BPI: variants seen among roughly 807,000 people sequenced by gnomAD.
The protein encoded by BPI is bactericidal permeability-increasing protein.
Under a neutral mutation model 57.6 loss-of-function variants are expected in BPI, and 48 were observed. The observed-to-expected ratio is 0.83, with a 90% CI of 0.66 to 1.06. The LOEUF is 1.06. BPI is among the 50% of genes least tolerant of loss of function. The pLI is 0.00. For missense variants in BPI, 651 were observed against 609.7 expected (o/e 1.07, Z -0.71); for synonymous variants, 237 against 238.2 (o/e 0.99, Z 0.05).
At chr20:38,308,318 C>T (rs1314145863) in intron 2 of BPI, among the ~76,000 whole-genome samples, 1 of 152,196 alleles carries the variant, frequency 6.6e-6, no homozygotes, top group African/African-American at 2.4e-5. Flanking sequence ...CGAAGATGGA[C>T]GTGAGGTCAA....
intron 6 of BPI, among the ~76,000 whole-genome samples, chr20:38,319,457 G>A (rs6069714): frequency 0.69 from 104,273 of 152,064 alleles, 37,076 homozygotes; most frequent in African/African-American, 0.88. Context: ...CATTTAAGAG[G>A]CATTTTCTTC....
chr20:38,314,235 GGGA>G (rs2076638302), intron 5 of BPI, among the ~76,000 whole-genome samples: 1 of 141,956 alleles, frequency 7.0e-6, no homozygotes, highest in African/African-American at 2.6e-5. Flanking sequence ...GGTAATGGTG[GGGA>G]AGATGATGAT....
At chr20:38,321,956 A>T (rs1437230815) in intron 7 of BPI, 1 of 152,234 alleles carries the variant, frequency 6.6e-6, no homozygotes, top group Admixed American at 6.5e-5. Context: ...AAAAATGCAC[A>T]CATATGTACT....
Position 38,327,750 on chromosome 20 carries a change from G to A in BPI, c.1229+95G>A, listed in dbSNP as rs1426747299. ...CTGTGATATACAGAAGCACTGCATT[G>A]TTGTTTTCCTGTTGGCTCATCACAT... On this transcript the variant is annotated intron_variant, in intron 11 of 14. Transcript: ENST00000642449. The A allele has an allele frequency of 1.0e-4, 141 of 1,417,010 alleles. No individual in the cohort carries two copies. In the East Asian group the frequency reaches 3.3e-3, roughly 34 times the overall value. The allele number at this position is 1,417,010 out of a possible 1,614,324, so 87.8% of individuals were successfully genotyped here.
At chr20:38,318,040 T>C (rs2076661145) in intron 5 of BPI, 1 of 984,946 alleles carries the variant, frequency 1.0e-6, no homozygotes, top group Non-Finnish European at 1.2e-6. Context: ...ACCTCGTATT[T>C]GTTTATTACC....
chr20:38,304,456 A>T, intron 1 of BPI, 103 bp downstream of exon 1: 1 of 1,452,752 alleles, frequency 6.9e-7, no homozygotes, highest in South Asian at 1.3e-5. Context: ...CACTCATAGC[A>T]CCTCAGGGCA....
chr20:38,309,126 G>A, intron 3 of BPI, 68 bp downstream of exon 3: 1 of 1,604,070 alleles, frequency 6.2e-7, no homozygotes, highest in African/African-American at 1.3e-5. Context: ...TAGAGAGTCA[G>A]CGTCTCTGGA....
intron 11 of BPI, among the ~76,000 whole-genome samples, chr20:38,329,319 G>A (rs1050523985): frequency 2.0e-5 from 3 of 152,158 alleles, no homozygotes; most frequent in African/African-American, 4.8e-5. Context: ...CTGTTTTCAC[G>A]CCGCCTTGAC....
intron 11 of BPI, 62 bp from the exon 12 acceptor site, chr20:38,330,986 G>A: frequency 3.2e-6 from 5 of 1,584,610 alleles, no homozygotes; most frequent in Non-Finnish European, 4.3e-6. Context: ...CCTCTCTAGA[G>A]ACTGGGTTCT....
chr20:38,304,169 C>T lies in BPI; in HGVS notation c.-55C>T. ...CCCCAGCCGACTCTTTTATAGCTCC[C>T]TGGTTCAACCTCAAGGCCTTGAGGT... On this transcript the variant is annotated 5_prime_UTR_variant, in exon 1 of 15. Transcript: ENST00000642449. The T allele has an allele frequency of 6.2e-7, 1 of 1,610,450 alleles. No individual in the cohort carries two copies. The highest frequency in any genetic ancestry group is 8.5e-7 in the Non-Finnish European group (1 of 1,177,608).
At chr20:38,325,590 G>A (rs780938326) in intron 9 of BPI, among the ~76,000 whole-genome samples, 6 of 152,146 alleles carry the variant, frequency 3.9e-5, no homozygotes, top group Admixed American at 2.0e-4. Context: ...CAGTTACTTC[G>A]TTAGAGGCCC....
chr20:38,324,840 A>G lies in BPI; in HGVS notation c.993+7A>G, dbSNP rs2122544189. The G allele has an allele frequency of 2.5e-6, 4 of 1,609,958 alleles. No individual in the cohort carries two copies. Among genetic ancestry groups the G allele is most frequent in the South Asian group, 1.1e-5 (1 of 90,986 alleles). On this transcript the variant is annotated splice_region_variant and intron_variant, in intron 9 of 14. Coordinates refer to ENST00000642449, the MANE Select transcript of BPI (RefSeq NM_001725.3). The stretch of plus-strand genomic sequence containing the variant: ...TGGAACCTTCCTACCTGAGGTATGG[A>G]AGACCTTGCTTTCCTTTAGTGAGCC...
rs1479806334 is a variant in BPI, at chr20:38,304,174, T to C, written c.-50T>C. On this transcript the variant is annotated 5_prime_UTR_variant, in exon 1 of 15. Coordinates refer to ENST00000642449, the MANE Select transcript of BPI (RefSeq NM_001725.3). ...GCCGACTCTTTTATAGCTCCCTGGT[T>C]CAACCTCAAGGCCTTGAGGTTTTGG... 6.2e-7 allele frequency: 1 copy of C among 1,610,810 alleles called. No homozygotes were observed. Among genetic ancestry groups the C allele is most frequent in the Admixed American group, 1.7e-5 (1 of 59,604 alleles).
Position 38,314,465 on chromosome 20 carries a change from G to A in BPI, c.600+2528G>A, listed in dbSNP as rs561139364. Among the ~76,000 whole-genome samples the A allele has an allele frequency of 2.1e-4, 32 of 148,908 alleles. 1 individual carries two copies. Among genetic ancestry groups the A allele is most frequent in the African/African-American group, 7.3e-4 (29 of 39,912 alleles). On this transcript the variant is annotated intron_variant, in intron 5 of 14. Coordinates refer to ENST00000642449, the MANE Select transcript of BPI (RefSeq NM_001725.3). Reference sequence around the variant, plus strand: ...TGATTATAATGATGATGGTGATGGTGGGGATGATGATAATGATGGTGATGG... The same window carrying A: ...TGATTATAATGATGATGGTGATGGTAGGGATGATGATAATGATGGTGATGG...
chr20:38,309,873 C>T (rs1383251730), intron 3 of BPI, among the ~76,000 whole-genome samples: 3 of 152,134 alleles, frequency 2.0e-5, no homozygotes, highest in Admixed American at 6.5e-5. Context: ...ACCACCCTGG[C>T]GGATGAAAGG....
intron 10 of BPI, among the ~76,000 whole-genome samples, chr20:38,327,144 G>C (rs552660364): frequency 1.3e-5 from 2 of 152,346 alleles, no homozygotes; most frequent in South Asian, 4.1e-4. Flanking sequence ...AGAGGCCTTA[G>C]GCAGGTCTAC....
At chr20:38,330,956 A>G in intron 11 of BPI, 92 bp from the exon 12 acceptor site, 1 of 1,461,356 alleles carries the variant, frequency 6.8e-7, no homozygotes, top group Non-Finnish European at 9.5e-7. Context: ...ACCAGACAGT[A>G]TCCACCAGAG....
At chr20:38,315,118 A>G (rs2076646072) in intron 5 of BPI, among the ~76,000 whole-genome samples, 1 of 152,134 alleles carries the variant, frequency 6.6e-6, no homozygotes, top group Non-Finnish European at 1.5e-5. Context: ...CATTTAATCC[A>G]CACATTCTGG....
At chr20:38,337,055 C>A in intron 14 of BPI, 91 bp from the exon 15 acceptor site, 2 of 1,389,612 alleles carry the variant, frequency 1.4e-6, no homozygotes, top group Admixed American at 2.0e-5. Flanking sequence ...AGGCAGGCTC[C>A]CAAAATGTCC....
Sources: gnomAD v4.1 joint callset for allele counts (sites outside exome capture counted in the v4.1 genomes callset) on GRCh38, gnomAD v4.1.1 for gene constraint, MANE v1.5 for transcripts, NCBI Gene and HGNC (gene_info 2026-07-23, HGNC 2026-07-21) for gene names.